UST: variants seen among roughly 807,000 people sequenced by gnomAD.
UST encodes uronyl 2-sulfotransferase.
Under a neutral mutation model 45.6 loss-of-function variants are expected in UST, and 21 were observed. The ratio of observed to expected loss-of-function variants is 0.46; its 90% CI spans 0.33 to 0.66. The LOEUF is 0.66. UST is among the 30% of genes least tolerant of loss of function. The pLI is 0.02. For missense variants in UST, 463 were observed against 512.4 expected, an observed-to-expected ratio of 0.90 and a Z score of 0.93; for synonymous variants, 215 against 200.6, an observed-to-expected ratio of 1.07 and a Z score of -0.61.
chr6:148,976,278 G>A (rs1257318719), intron 5 of UST, among the ~76,000 whole-genome samples: 1 of 152,158 alleles, frequency 6.6e-6, no homozygotes, highest in African/African-American at 2.4e-5. Flanking sequence ...TGGCGGGGGT[G>A]GGGGGTTGTT....
At chr6:148,933,876 C>T (rs983794440) in intron 2 of UST, among the ~76,000 whole-genome samples, 4 of 152,210 alleles carry the variant, frequency 2.6e-5, no homozygotes, top group African/African-American at 9.6e-5. Flanking sequence ...AAGAATAGGA[C>T]AGCCAAGGTG....
intron 1 of UST, among the ~76,000 whole-genome samples, chr6:148,875,957 TTTTAAA>T (rs1289664017): frequency 1.3e-5 from 2 of 152,248 alleles, no homozygotes; most frequent in African/African-American, 4.8e-5. Context: ...TTACATTTGA[TTTTAAA>T]TTTAAATTTA....
Position 148,920,852 on chromosome 6 carries a change from G to T in UST, c.292-20427G>T, listed in dbSNP as rs763428483. Among the ~76,000 whole-genome samples, 18 of 152,236 alleles carry T rather than the reference G, an allele frequency of 1.2e-4. No individual in the cohort carries two copies. In the South Asian group the frequency reaches 2.3e-3, roughly 19 times the overall value. On this transcript the variant is annotated intron_variant, in intron 2 of 7. Transcript: ENST00000367463. Reference sequence around the variant, plus strand: ...GCCTGCTCTTTTAAAAGCAAGACTGGGACTCTTTAAGAGATGGTGTGTTAT... The same window carrying T: ...GCCTGCTCTTTTAAAAGCAAGACTGTGACTCTTTAAGAGATGGTGTGTTAT...
At chr6:148,786,975 GC>G (rs1471645340) in intron 1 of UST, among the ~76,000 whole-genome samples, 1 of 152,064 alleles carries the variant, frequency 6.6e-6, no homozygotes, top group Non-Finnish European at 1.5e-5. Flanking sequence ...ATGATGTTGA[GC>G]TTTTTTTCAT....
At chr6:148,880,215 A>T (rs1778798896) in intron 1 of UST, among the ~76,000 whole-genome samples, 1 of 152,136 alleles carries the variant, frequency 6.6e-6, no homozygotes, top group African/African-American at 2.4e-5. Flanking sequence ...TCAGCTTCTC[A>T]AAGTGCTGGG....
intron 6 of UST, among the ~76,000 whole-genome samples, chr6:149,019,643 C>T (rs2115019237): frequency 6.6e-6 from 1 of 152,330 alleles, no homozygotes. Flanking sequence ...TAACCAACAA[C>T]CTGCCCTCGT....
At chr6:148,865,398 G>T (rs113687028) in intron 1 of UST, among the ~76,000 whole-genome samples, 6 of 152,330 alleles carry the variant, frequency 3.9e-5, no homozygotes, top group African/African-American at 1.4e-4. Flanking sequence ...TGAATCAAGT[G>T]TTGCATTTTC....
At chr6:148,866,796 T>A (rs1265690612) in intron 1 of UST, among the ~76,000 whole-genome samples, 1 of 152,216 alleles carries the variant, frequency 6.6e-6, no homozygotes, top group Non-Finnish European at 1.5e-5. Context: ...CTTTGTACTA[T>A]CATGAAATAT....
intron 1 of UST, among the ~76,000 whole-genome samples, chr6:148,792,010 C>T (rs35751268): frequency 0.18 from 27,134 of 152,100 alleles, 3,112 homozygotes; most frequent in Non-Finnish European, 0.25. Flanking sequence ...TGGAAAGCAG[C>T]ATCCAAGAGG....
intron 7 of UST, among the ~76,000 whole-genome samples, chr6:149,033,765 C>G (rs1466995820): frequency 2.0e-5 from 3 of 152,140 alleles, no homozygotes; most frequent in African/African-American, 7.2e-5. Context: ...AACTGTTTTT[C>G]AAAACATGTG....
intron 2 of UST, among the ~76,000 whole-genome samples, chr6:148,889,253 C>G (rs1778968690): frequency 6.6e-6 from 1 of 152,136 alleles, no homozygotes; most frequent in South Asian, 2.1e-4. Flanking sequence ...GTTCTAAAGG[C>G]CATGAATATA....
intron 5 of UST, among the ~76,000 whole-genome samples, chr6:148,979,441 G>C (rs1781086233): frequency 6.6e-6 from 1 of 152,148 alleles, no homozygotes; most frequent in South Asian, 2.1e-4. Flanking sequence ...TTTGGCTAGG[G>C]CTCATTCACC....
At chr6:148,912,041 A>G (rs1017430693) in intron 2 of UST, among the ~76,000 whole-genome samples, 1 of 152,150 alleles carries the variant, frequency 6.6e-6, no homozygotes, top group Admixed American at 6.5e-5. Context: ...TACTAAAAAT[A>G]TAAAAATTAG....
At chr6:148,753,995 A>ATT (rs1276566371) in intron 1 of UST, among the ~76,000 whole-genome samples, 485 of 137,830 alleles carry the variant, frequency 3.5e-3, no homozygotes, top group African/African-American at 0.012. Context: ...CATTTTGCTG[A>ATT]TTTTTTTTTT....
chr6:148,994,716 C>G (rs1446584304), intron 5 of UST, among the ~76,000 whole-genome samples: 1 of 152,204 alleles, frequency 6.6e-6, no homozygotes, highest in East Asian at 1.9e-4. Context: ...AAAGCACACT[C>G]TCTAAGACCC....
At chr6:148,896,419 C>T (rs772923985) in intron 2 of UST, among the ~76,000 whole-genome samples, 1 of 152,188 alleles carries the variant, frequency 6.6e-6, no homozygotes, top group South Asian at 2.1e-4. Flanking sequence ...TTCCATGTGG[C>T]CACAGCTCCT....
chr6:149,033,107 TA>T (rs1776180548), intron 7 of UST, among the ~76,000 whole-genome samples: 1 of 152,244 alleles, frequency 6.6e-6, no homozygotes, highest in Non-Finnish European at 1.5e-5. Context: ...TTGATCTTTA[TA>T]AAAACGACCT....
At chr6:148,780,150 T>C (rs1234877545) in intron 1 of UST, among the ~76,000 whole-genome samples, 2 of 151,438 alleles carry the variant, frequency 1.3e-5, no homozygotes, top group Non-Finnish European at 3.0e-5. Context: ...CACACACTTA[T>C]GCAGGAATAC....
chr6:148,863,039 G>GCA (rs1352467357), intron 1 of UST, among the ~76,000 whole-genome samples: 4 of 152,070 alleles, frequency 2.6e-5, no homozygotes. Context: ...TTTGAATGTT[G>GCA]GCCTGCCTTG....
Sources: allele counts gnomAD v4.1 joint callset (sites outside exome capture counted in the v4.1 genomes callset), GRCh38; gene constraint gnomAD v4.1.1; transcripts MANE v1.5; gene names NCBI Gene and HGNC (gene_info 2026-07-23, HGNC 2026-07-21).